TAS2R1: variants seen among roughly 807,000 people sequenced by gnomAD.
TAS2R1 encodes the protein taste 2 receptor member 1, also known as taste receptor type 2 member 1.
For synonymous variants in TAS2R1, 141 were observed against 134.2 expected, an observed-to-expected ratio of 1.05 and a Z score of -0.35; for missense variants, 370 against 353.4, an observed-to-expected ratio of 1.05 and a Z score of -0.38.
the TAS2R1 span, among the ~76,000 whole-genome samples, chr5:9,722,072 T>G: frequency 6.6e-6 from 1 of 152,198 alleles, no homozygotes; most frequent in African/African-American, 2.4e-5. Context: ...ACTTGCTCAC[T>G]CTGATGGAGC....
the TAS2R1 span, among the ~76,000 whole-genome samples, chr5:9,857,639 G>A: frequency 2.0e-5 from 3 of 152,190 alleles, no homozygotes; most frequent in African/African-American, 7.2e-5. Flanking sequence ...CAGGAAGTTT[G>A]TATATCTCCA....
At chr5:9,755,036 A>G in the TAS2R1 span, among the ~76,000 whole-genome samples, 1 of 152,206 alleles carries the variant, frequency 6.6e-6, no homozygotes, top group African/African-American at 2.4e-5. Flanking sequence ...TTCAGGTTTT[A>G]AAAATTTTTG....
chr5:9,739,112 C>G, the TAS2R1 span, among the ~76,000 whole-genome samples: 1 of 152,212 alleles, frequency 6.6e-6, no homozygotes, highest in Non-Finnish European at 1.5e-5. Context: ...TTAATGGGAG[C>G]TTGGTCATGT....
the TAS2R1 span, among the ~76,000 whole-genome samples, chr5:9,840,855 TTA>T: frequency 8.6e-5 from 1 of 11,680 alleles, no homozygotes; most frequent in African/African-American, 2.5e-4. Context: ...ATTTATTTAT[TTA>T]TTTTTTTTTT....
the TAS2R1 span, among the ~76,000 whole-genome samples, chr5:9,766,003 A>G: frequency 6.6e-6 from 1 of 152,226 alleles, no homozygotes. Context: ...CTCTGTGATC[A>G]TACTGGGCTG....
At chr5:9,685,482 T>C (rs568331677) in intron 1 of TAS2R1, among the ~76,000 whole-genome samples, 1 of 152,296 alleles carries the variant, frequency 6.6e-6, no homozygotes, top group African/African-American at 2.4e-5. Context: ...TTATGTTATA[T>C]TGTAAATATA....
chr5:9,867,631 A>G, the TAS2R1 span, among the ~76,000 whole-genome samples: 1 of 152,150 alleles, frequency 6.6e-6, no homozygotes, highest in Non-Finnish European at 1.5e-5. Context: ...CAGCCAAACC[A>G]TATGATTCTG....
At chr5:9,698,167 T>A (rs1463093243) in intron 1 of TAS2R1, among the ~76,000 whole-genome samples, 2 of 152,198 alleles carry the variant, frequency 1.3e-5, no homozygotes, top group East Asian at 3.8e-4. Context: ...AACAAAAGGC[T>A]ATGTTCTCAG....
At chr5:9,868,407 C>T in the TAS2R1 span, among the ~76,000 whole-genome samples, 1 of 152,206 alleles carries the variant, frequency 6.6e-6, no homozygotes, top group Non-Finnish European at 1.5e-5. Context: ...GCTGTTAAGG[C>T]TTGGGTCTGG....
At chr5:9,850,001 G>C in the TAS2R1 span, among the ~76,000 whole-genome samples, 156 of 152,174 alleles carry the variant, frequency 1.0e-3, 1 homozygote, top group African/African-American at 3.6e-3. Context: ...CTCACAGTTC[G>C]TGCTAAGTCC....
intron 1 of TAS2R1, among the ~76,000 whole-genome samples, chr5:9,678,734 G>A (rs1424820169): frequency 6.6e-6 from 1 of 152,090 alleles, no homozygotes; most frequent in East Asian, 1.9e-4. Flanking sequence ...TGACCGATGA[G>A]AACATATGGA....
At chr5:9,790,586 C>G in the TAS2R1 span, among the ~76,000 whole-genome samples, 1,121 of 152,206 alleles carry the variant, frequency 7.4e-3, 14 homozygotes, top group African/African-American at 0.026. Flanking sequence ...CAATTAAATA[C>G]AGCATTGTGT....
chr5:9,633,315 T>TA (rs1739910167), upstream of TAS2R1, among the ~76,000 whole-genome samples: 15 of 137,394 alleles, frequency 1.1e-4, no homozygotes, highest in African/African-American at 3.9e-4. Context: ...TATATATATA[T>TA]ATATACACAA....
At chr5:9,760,467 A>G in the TAS2R1 span, among the ~76,000 whole-genome samples, 11 of 152,238 alleles carry the variant, frequency 7.2e-5, no homozygotes, top group African/African-American at 2.2e-4. Context: ...CAAATAAAAT[A>G]CAACCAAGTG....
At chr5:9,902,927 T>C in the TAS2R1 span, among the ~76,000 whole-genome samples, 3 of 151,872 alleles carry the variant, frequency 2.0e-5, no homozygotes, top group African/African-American at 7.3e-5. Context: ...CATTTTGAAA[T>C]ATATCAGATA....
intron 1 of TAS2R1, among the ~76,000 whole-genome samples, chr5:9,683,032 G>A (rs993296060): frequency 2.0e-5 from 3 of 152,100 alleles, no homozygotes; most frequent in Admixed American, 6.6e-5. Flanking sequence ...ATCCTTTAAT[G>A]TAGTCTAATA....
the TAS2R1 span, among the ~76,000 whole-genome samples, chr5:9,772,695 T>C: frequency 6.6e-6 from 1 of 152,280 alleles, no homozygotes; most frequent in East Asian, 1.9e-4. Flanking sequence ...TGGGTGCATA[T>C]GTATTTAAAA....
the TAS2R1 span, among the ~76,000 whole-genome samples, chr5:9,822,085 G>A: frequency 7.2e-5 from 11 of 152,222 alleles, no homozygotes; most frequent in African/African-American, 2.6e-4. Context: ...TTGTGAGATT[G>A]GCTTCGTTCT....
In TAS2R1 at chr5:9,629,753, A is replaced by T; in HGVS notation, c.280T>A (p.Trp94Arg). The T allele has an allele frequency of 6.2e-7, 1 of 1,613,996 alleles. No individual in the cohort carries two copies. Among genetic ancestry groups the T allele is most frequent in the Non-Finnish European group, 8.5e-7 (1 of 1,179,936 alleles). Reference sequence around the variant, plus strand: ...AAAACGCCGAGCCATGTGGCAAGCCAAAGTTCCAATTCATTTATAAATAAG... The same window carrying T: ...AAAACGCCGAGCCATGTGGCAAGCCTAAGTTCCAATTCATTTATAAATAAG... ...ILLFINELEL[W>R]LATWLGVFYC... Residue 94 changes from tryptophan (W) to arginine (R), a missense_variant, in exon 1 of 1, where the codon TGG becomes AGG. Coordinates refer to ENST00000382492, the MANE Select transcript of TAS2R1 (RefSeq NM_019599.3).
Sources: gnomAD v4.1 joint callset for allele counts (sites outside exome capture counted in the v4.1 genomes callset) on GRCh38, gnomAD v4.1.1 for gene constraint, MANE v1.5 for transcripts, NCBI Gene and HGNC (gene_info 2026-07-23, HGNC 2026-07-21) for gene names.